CAP2: variants seen among roughly 807,000 people sequenced by gnomAD.
CAP2 encodes the protein cyclase associated actin cytoskeleton regulatory protein 2, also known as adenylyl cyclase-associated protein 2.
A neutral mutation model predicts 57.7 loss-of-function variants in CAP2; 24 were observed. That is an observed-to-expected ratio of 0.42 (90% confidence interval 0.30 to 0.58). CAP2 has a LOEUF of 0.58. CAP2 is among the 20% of genes least tolerant of loss of function. CAP2 has a pLI of 0.22. For synonymous variants in CAP2, 194 were observed against 207.2 expected (o/e 0.94, Z 0.55); for missense variants, 501 against 590.3 (o/e 0.85, Z 1.57).
At chr6:17,428,631 G>C (rs1386020292) in intron 3 of CAP2, among the ~76,000 whole-genome samples, 1 of 146,682 alleles carries the variant, frequency 6.8e-6, no homozygotes, top group Non-Finnish European at 1.5e-5. Context: ...TGGTGGGATG[G>C]GGGGAGGGGG....
intron 12 of CAP2, among the ~76,000 whole-genome samples, chr6:17,551,858 C>T (rs1376285705): frequency 3.3e-5 from 5 of 152,274 alleles, no homozygotes; most frequent in Admixed American, 2.6e-4. Flanking sequence ...TATCAAATAG[C>T]ACAGCATGCA....
chr6:17,404,475 A>G (rs1005348531), intron 1 of CAP2, among the ~76,000 whole-genome samples: 9 of 151,976 alleles, frequency 5.9e-5, no homozygotes, highest in South Asian at 2.1e-4. Flanking sequence ...CGTGGTGGCG[A>G]GTGCCTGTAG....
intron 4 of CAP2, among the ~76,000 whole-genome samples, chr6:17,488,432 C>A (rs1761472566): frequency 6.6e-6 from 1 of 152,196 alleles, no homozygotes; most frequent in South Asian, 2.1e-4. Context: ...GTCCCACAGC[C>A]CCACTGTAAC....
intron 1 of CAP2, among the ~76,000 whole-genome samples, chr6:17,406,398 C>CTTTTTTTTCTTTTTTTTTTTTTTTTT (rs1758970249): frequency 9.8e-6 from 1 of 102,472 alleles, no homozygotes. Flanking sequence ...GCCCAGATTT[C>CTTTTTTTTCTTTTTTTTTTTTTTTTT]TTTTTTTTTT....
At chr6:17,406,188 T>C (rs1346580559) in intron 1 of CAP2, among the ~76,000 whole-genome samples, 1 of 152,056 alleles carries the variant, frequency 6.6e-6, no homozygotes, top group Non-Finnish European at 1.5e-5. Flanking sequence ...GCCACACACC[T>C]CTACCCCAAG....
chr6:17,503,363 C>T (rs769530966), intron 4 of CAP2, among the ~76,000 whole-genome samples: 2 of 152,066 alleles, frequency 1.3e-5, no homozygotes, highest in African/African-American at 2.4e-5. Flanking sequence ...AATACCAATA[C>T]TTTGGGAGGC....
At chr6:17,452,033 TA>T (rs991333128) in intron 3 of CAP2, among the ~76,000 whole-genome samples, 26 of 152,344 alleles carry the variant, frequency 1.7e-4, no homozygotes, top group African/African-American at 6.3e-4. Flanking sequence ...TTTGAAAGTC[TA>T]AAAAACCCAA....
chr6:17,491,835 T>A (rs527928440), intron 4 of CAP2, among the ~76,000 whole-genome samples: 1 of 152,366 alleles, frequency 6.6e-6, no homozygotes, highest in South Asian at 2.1e-4. Flanking sequence ...GAATACAAAG[T>A]ACAGTGCGTG....
At chr6:17,419,837 C>T (rs1364118327) in intron 1 of CAP2, among the ~76,000 whole-genome samples, 1 of 151,798 alleles carries the variant, frequency 6.6e-6, no homozygotes, top group Non-Finnish European at 1.5e-5. Flanking sequence ...GTGCCCGCCA[C>T]CATGCCTGGC....
rs962160206 is a variant in CAP2, at chr6:17,426,803, G to C, written c.222+113G>C. 3 of 728,722 alleles carry C rather than the reference G, an allele frequency of 4.1e-6. No homozygotes were observed. The African/African-American group carries it at 5.4e-5, about 13-fold the overall frequency. 45.1% of individuals were successfully genotyped at this position (728,722 alleles called of 1,614,324 possible). On this transcript the variant is annotated intron_variant, in intron 3 of 12. Transcript: ENST00000229922. ...ATTTATTTATTTAGTTTTTACTCTG[G>C]CTAGGCAGATGGTGGCTAAAACATT...
At chr6:17,508,673 C>T (rs546600207) in intron 6 of CAP2, among the ~76,000 whole-genome samples, 3 of 152,106 alleles carry the variant, frequency 2.0e-5, no homozygotes, top group African/African-American at 7.2e-5. Context: ...CACCTGGGGA[C>T]GTCTCATGTG....
chr6:17,451,221 ATCT>A (rs200276485), intron 3 of CAP2, among the ~76,000 whole-genome samples: 9,480 of 127,560 alleles, frequency 0.074, 968 homozygotes, highest in African/African-American at 0.25. Flanking sequence ...AGGAAAGGAA[ATCT>A]TCTATCCAAA....
intron 4 of CAP2, among the ~76,000 whole-genome samples, chr6:17,503,513 A>AGAATTGCTTGAACCT (rs1267721838): frequency 6.3e-4 from 95 of 150,424 alleles, no homozygotes; most frequent in African/African-American, 2.2e-3. Flanking sequence ...CTGAGGCAGG[A>AGAATTGCTTGAACCT]GAATTGCTTG....
intron 7 of CAP2, among the ~76,000 whole-genome samples, chr6:17,527,535 T>C (rs768661088): frequency 6.6e-6 from 1 of 152,086 alleles, no homozygotes; most frequent in Non-Finnish European, 1.5e-5. Context: ...ATGCAGAATA[T>C]ATGGATCACT....
chr6:17,430,932 C>T (rs1759711721), intron 3 of CAP2, among the ~76,000 whole-genome samples: 1 of 152,140 alleles, frequency 6.6e-6, no homozygotes, highest in Non-Finnish European at 1.5e-5. Flanking sequence ...AAATAGGAAG[C>T]AACTGCAAAT....
chr6:17,407,623 T>C (rs879563911), intron 1 of CAP2, among the ~76,000 whole-genome samples: 1 of 150,740 alleles, frequency 6.6e-6, no homozygotes, highest in African/African-American at 2.4e-5. Flanking sequence ...CCAAAAAATA[T>C]AAAAATTTAG....
intron 3 of CAP2, among the ~76,000 whole-genome samples, chr6:17,429,291 T>C (rs1353236641): frequency 1.3e-5 from 2 of 152,222 alleles, no homozygotes; most frequent in Non-Finnish European, 2.9e-5. Flanking sequence ...TCTTGAACAC[T>C]ATGACAGTAA....
intron 7 of CAP2, among the ~76,000 whole-genome samples, chr6:17,517,902 AAAAT>A (rs150089656): frequency 9.2e-5 from 14 of 152,092 alleles, no homozygotes; most frequent in East Asian, 1.9e-4. Flanking sequence ...ACTTGGTCTC[AAAAT>A]AAATAAATAA....
At chr6:17,538,499 C>G (rs1048234313) in intron 7 of CAP2, among the ~76,000 whole-genome samples, 1 of 152,082 alleles carries the variant, frequency 6.6e-6, no homozygotes, top group South Asian at 2.1e-4. Flanking sequence ...TCTCTCTTGT[C>G]TATCACGTCT....
Sources: allele counts gnomAD v4.1 joint callset (sites outside exome capture counted in the v4.1 genomes callset), GRCh38; gene constraint gnomAD v4.1.1; transcripts MANE v1.5; gene names NCBI Gene and HGNC (gene_info 2026-07-23, HGNC 2026-07-21).